The following SLC35F1 variants were observed in gnomAD, a reference collection of about 807,000 sequenced individuals.
The protein encoded by SLC35F1 is chromosome 6 open reading frame 169.
Under a neutral mutation model 48.7 loss-of-function variants are expected in SLC35F1, and 14 were observed. The ratio of observed to expected loss-of-function variants is 0.29; its 90% CI spans 0.19 to 0.45. The LOEUF is 0.45. SLC35F1 is among the 20% of genes least tolerant of loss of function. The pLI is 1.00. For missense variants in SLC35F1, 404 were observed against 500.0 expected (o/e 0.81, Z 1.83); for synonymous variants, 190 against 202.2 (o/e 0.94, Z 0.51).
chr6:118,062,909 T>G (rs750417833), intron 1 of SLC35F1, among the ~76,000 whole-genome samples: 2 of 152,154 alleles, frequency 1.3e-5, no homozygotes, highest in African/African-American at 4.8e-5. Context: ...TAGAGCAAGA[T>G]ATAATTTTTT....
At chr6:118,088,789 A>C (rs572151052) in intron 1 of SLC35F1, among the ~76,000 whole-genome samples, 1 of 152,306 alleles carries the variant, frequency 6.6e-6, no homozygotes, top group African/African-American at 2.4e-5. Context: ...TCATTGCATA[A>C]AGATGTGTTA....
At chr6:118,057,051 T>C (rs1314998195) in intron 1 of SLC35F1, among the ~76,000 whole-genome samples, 2 of 152,090 alleles carry the variant, frequency 1.3e-5, no homozygotes, top group Non-Finnish European at 2.9e-5. Flanking sequence ...TCTCCACATA[T>C]AGATTTGGTA....
intron 1 of SLC35F1, among the ~76,000 whole-genome samples, chr6:118,000,923 C>T (rs1005536342): frequency 6.6e-5 from 10 of 152,130 alleles, no homozygotes; most frequent in African/African-American, 2.4e-4. Flanking sequence ...AGGAGAACTA[C>T]AAACCACTGC....
At chr6:118,246,669 A>G (rs1775511459) in intron 3 of SLC35F1, among the ~76,000 whole-genome samples, 2 of 152,142 alleles carry the variant, frequency 1.3e-5, no homozygotes, top group South Asian at 4.1e-4. Flanking sequence ...GTGCCCTTAC[A>G]TGTTTGTTTT....
At chr6:118,094,966 T>TAAA (rs34318594) in intron 1 of SLC35F1, among the ~76,000 whole-genome samples, 1 of 138,584 alleles carries the variant, frequency 7.2e-6, no homozygotes, top group Non-Finnish European at 1.6e-5. Context: ...AGACTCCGTC[T>TAAA]AAAAAAAAAA....
Position 117,907,867 on chromosome 6 carries a change from C to A in SLC35F1, c.141C>A (p.Gly47=). The A allele has an allele frequency of 6.6e-7, 1 of 1,516,734 alleles. No homozygotes were observed. The allele number at this position is 1,516,734 out of a possible 1,614,324, so 94.0% of individuals were successfully genotyped here. The change falls in exon 1 of 8, where the codon GGC becomes GGA. Residue 47 remains glycine (G), a synonymous_variant. Coordinates refer to ENST00000360388, the MANE Select transcript of SLC35F1 (RefSeq NM_001029858.4). ...GGSLSASSRA[G]VRQRIRKVLN... ...GCCTGTCCGCCTCCTCCCGGGCTGG[C>A]GTGCGCCAGAGGATCCGCAAAGTGC...
intron 3 of SLC35F1, among the ~76,000 whole-genome samples, chr6:118,259,600 G>A (rs1365531186): frequency 1.3e-5 from 2 of 151,232 alleles, no homozygotes; most frequent in Non-Finnish European, 3.0e-5. Flanking sequence ...TACAAAAATG[G>A]CCAATAAGCA....
At chr6:117,923,347 G>A (rs914948080) in intron 1 of SLC35F1, among the ~76,000 whole-genome samples, 1 of 151,834 alleles carries the variant, frequency 6.6e-6, no homozygotes, top group Non-Finnish European at 1.5e-5. Flanking sequence ...GAAATTAAAC[G>A]TCTTGTGTGC....
intron 1 of SLC35F1, among the ~76,000 whole-genome samples, chr6:117,946,729 T>C (rs990731921): frequency 5.3e-5 from 8 of 152,222 alleles, no homozygotes; most frequent in African/African-American, 1.9e-4. Flanking sequence ...TAGAAAAACA[T>C]TGACCTTTTT....
rs141759866 is a variant in SLC35F1, at chr6:118,170,810, A to G, written c.349+16190A>G. ...ACATGAATATAAACAGTAAGTGTTT[A>G]TGTAAATATAAACATTTCAAATATA... On this transcript the variant is annotated intron_variant, in intron 2 of 7. Coordinates refer to ENST00000360388, the MANE Select transcript of SLC35F1 (RefSeq NM_001029858.4). Among the ~76,000 whole-genome samples the G allele has an allele frequency of 3.5e-3, 534 of 152,314 alleles. 5 individuals are homozygous for G. The highest frequency in any genetic ancestry group is 0.023 in the South Asian group (110 of 4,830).
chr6:118,089,528 TAC>T (rs1396931668), intron 1 of SLC35F1, among the ~76,000 whole-genome samples: 1 of 152,354 alleles, frequency 6.6e-6, no homozygotes, highest in East Asian at 1.9e-4. Context: ...TTTTTTATGA[TAC>T]ACTCTCAGGA....
chr6:118,186,635 A>G (rs965262831), intron 2 of SLC35F1, among the ~76,000 whole-genome samples: 4 of 152,206 alleles, frequency 2.6e-5, no homozygotes, highest in African/African-American at 9.6e-5. Flanking sequence ...ATAGTGGTTC[A>G]ACATTCATGG....
chr6:117,948,620 G>A (rs1243556484), intron 1 of SLC35F1, among the ~76,000 whole-genome samples: 2 of 152,038 alleles, frequency 1.3e-5, no homozygotes, highest in African/African-American at 4.8e-5. Flanking sequence ...CAAATAAAGA[G>A]CTCTGGCTGC....
At chr6:117,923,614 CATATGTATATATACATAT>C (rs1775938133) in intron 1 of SLC35F1, among the ~76,000 whole-genome samples, 1 of 19,396 alleles carries the variant, frequency 5.2e-5, no homozygotes, top group African/African-American at 4.7e-4. Context: ...TATACATATA[CATATGTATATATACATAT>C]ATGTACATAT....
chr6:118,308,050 A>G (rs1562357907), intron 7 of SLC35F1, among the ~76,000 whole-genome samples: 1 of 152,226 alleles, frequency 6.6e-6, no homozygotes, highest in South Asian at 2.1e-4. Context: ...TAATTCACAT[A>G]TAAAGTGGGA....
chr6:118,195,767 A>G (rs78518907), intron 2 of SLC35F1, among the ~76,000 whole-genome samples: 12 of 151,580 alleles, frequency 7.9e-5, no homozygotes, highest in Non-Finnish European at 1.5e-4. Flanking sequence ...GTTCAAAGAA[A>G]CTCAGAGAGC....
At chr6:118,185,398 A>G (rs993419935) in intron 2 of SLC35F1, among the ~76,000 whole-genome samples, 2 of 152,216 alleles carry the variant, frequency 1.3e-5, no homozygotes, top group East Asian at 1.9e-4. Flanking sequence ...CTGAGGCAAC[A>G]TAACAGAAAG....
intron 1 of SLC35F1, among the ~76,000 whole-genome samples, chr6:118,111,490 T>C (rs1445096020): frequency 6.6e-6 from 1 of 152,126 alleles, no homozygotes; most frequent in Non-Finnish European, 1.5e-5. Context: ...AAATTCTATA[T>C]CCAGTGAAGT....
intron 1 of SLC35F1, among the ~76,000 whole-genome samples, chr6:118,144,858 C>G (rs1310723607): frequency 6.6e-6 from 1 of 152,026 alleles, no homozygotes; most frequent in Non-Finnish European, 1.5e-5. Context: ...TCTTGTTTTT[C>G]TTTTTCAAAC....
Sources: allele counts gnomAD v4.1 joint callset (sites outside exome capture counted in the v4.1 genomes callset), GRCh38; gene constraint gnomAD v4.1.1; transcripts MANE v1.5; gene names NCBI Gene and HGNC (gene_info 2026-07-23, HGNC 2026-07-21).